Variants in PRKN observed in about 807,000 individuals in gnomAD.
PRKN encodes the protein E3 ubiquitin-protein ligase parkin.
PRKN carries 56 observed loss-of-function variants against 59.5 expected under a neutral mutation model. That is an observed-to-expected ratio of 0.94 (90% CI 0.76 to 1.18). The LOEUF (loss-of-function observed/expected upper bound fraction) is 1.18, where lower values mean the gene tolerates loss of function less well. PRKN is among the 50% of genes most tolerant of loss of function. The pLI, the probability that PRKN is intolerant of heterozygous loss-of-function variation, is 0.00. For synonymous variants in PRKN, 250 were observed against 222.1 expected (o/e 1.13, Z -1.12); for missense variants, 657 against 596.4 (o/e 1.10, Z -1.06).
intron 1 of PRKN, among the ~76,000 whole-genome samples, chr6:162,581,493 G>A (rs1780788776): frequency 1.3e-5 from 2 of 152,238 alleles, no homozygotes; most frequent in Admixed American, 1.3e-4. Flanking sequence ...AGGTGCGGTG[G>A]CTCACGCCTG....
At chr6:161,911,948 C>A (rs9458417) in intron 6 of PRKN, among the ~76,000 whole-genome samples, 3,878 of 152,084 alleles carry the variant, frequency 0.025, 148 homozygotes, top group African/African-American at 0.088. Context: ...GAGGCCGAGG[C>A]GGACAGATCA....
intron 5 of PRKN, among the ~76,000 whole-genome samples, chr6:162,043,631 G>C (rs1459494015): frequency 6.6e-6 from 1 of 152,174 alleles, no homozygotes; most frequent in Non-Finnish European, 1.5e-5. Context: ...TGACTCAATT[G>C]TCCTTTGGAA....
rs903709206 is a variant in PRKN, at chr6:161,955,687, C to T, written c.734+17615G>A. 2.0e-5 allele frequency among the ~76,000 whole-genome samples: 3 copies of T among 152,128 alleles called. No homozygotes were observed. In the East Asian group the frequency reaches 5.8e-4, roughly 30 times the overall value. ...TGAATATGGTGAAACCCTGTCTCTACTAAAAATACAAAATTAGCCAGGCAT... is the reference window on the plus strand; with the variant it reads ...TGAATATGGTGAAACCCTGTCTCTATTAAAAATACAAAATTAGCCAGGCAT... On this transcript the variant is annotated intron_variant, in intron 6 of 11. Coordinates refer to ENST00000366898, the MANE Select transcript of PRKN (RefSeq NM_004562.3).
chr6:162,353,558 GA>G (rs1183571390), intron 2 of PRKN, among the ~76,000 whole-genome samples: 1 of 151,898 alleles, frequency 6.6e-6, no homozygotes, highest in East Asian at 1.9e-4. Flanking sequence ...ATTTTTTGAA[GA>G]ATATTAAAGG....
chr6:162,641,153 G>A (rs937328571), intron 1 of PRKN, among the ~76,000 whole-genome samples: 2 of 152,024 alleles, frequency 1.3e-5, no homozygotes, highest in African/African-American at 2.4e-5. Flanking sequence ...ACCTAGTGAA[G>A]GTTAAGCATC....
At position 161,878,427 on chromosome 6, in the gene PRKN, C is replaced by T. The variant is rs193044554; in HGVS notation, c.735-92519G>A. Among the ~76,000 whole-genome samples the T allele has an allele frequency of 4.7e-3, 716 of 152,240 alleles. 4 individuals are homozygous for T. Among genetic ancestry groups the T allele is most frequent in the African/African-American group, 0.016 (655 of 41,528 alleles). On this transcript the variant is annotated intron_variant, in intron 6 of 11. Coordinates refer to ENST00000366898, the MANE Select transcript of PRKN (RefSeq NM_004562.3). ...ATCACCATCCCCTTTCATCCCAGAGCCGACCACTGTCCTGATTTTCAACAC... is the reference window on the plus strand; with the variant it reads ...ATCACCATCCCCTTTCATCCCAGAGTCGACCACTGTCCTGATTTTCAACAC...
chr6:162,532,313 T>C (rs1778547842), intron 1 of PRKN, among the ~76,000 whole-genome samples: 1 of 152,250 alleles, frequency 6.6e-6, no homozygotes, highest in Admixed American at 6.5e-5. Context: ...ACAAGCATAT[T>C]CCTGTCACCT....
chr6:162,085,537 G>A (rs901191473), intron 4 of PRKN, among the ~76,000 whole-genome samples: 17 of 152,096 alleles, frequency 1.1e-4, no homozygotes, highest in African/African-American at 4.1e-4. Flanking sequence ...GACATAAAGA[G>A]CAGATATTTG....
intron 2 of PRKN, among the ~76,000 whole-genome samples, chr6:162,423,298 C>T (rs1168810304): frequency 6.6e-6 from 1 of 152,172 alleles, no homozygotes; most frequent in African/African-American, 2.4e-5. Flanking sequence ...GAGTGACTAA[C>T]TCTGGCCATG....
intron 6 of PRKN, among the ~76,000 whole-genome samples, chr6:161,922,645 A>G (rs1259902268): frequency 6.6e-6 from 1 of 152,230 alleles, no homozygotes. Flanking sequence ...AACATAGGTC[A>G]GCATTAAGTT....
intron 2 of PRKN, among the ~76,000 whole-genome samples, chr6:162,399,435 G>C (rs770921216): frequency 6.6e-6 from 1 of 152,114 alleles, no homozygotes; most frequent in Non-Finnish European, 1.5e-5. Context: ...AGCAATACTA[G>C]AATAGCAGGT....
At chr6:162,647,143 C>T (rs1226199704) in intron 1 of PRKN, among the ~76,000 whole-genome samples, 1 of 151,948 alleles carries the variant, frequency 6.6e-6, no homozygotes, top group Non-Finnish European at 1.5e-5. Context: ...TCTCATCATT[C>T]TCTCTCTTCT....
At chr6:161,425,572 A>C (rs549487522) in intron 9 of PRKN, among the ~76,000 whole-genome samples, 2 of 152,110 alleles carry the variant, frequency 1.3e-5, no homozygotes, top group African/African-American at 4.8e-5. Context: ...ATCAGAATCC[A>C]CAGATTTTCA....
Position 161,525,424 on chromosome 6 carries a change from C to A in PRKN, c.1083+23430G>T, listed in dbSNP as rs1562504490. Among the ~76,000 whole-genome samples, 1 of 152,154 alleles carries A rather than the reference C, an allele frequency of 6.6e-6. No individual in the cohort carries two copies. On this transcript the variant is annotated intron_variant, in intron 9 of 11. Coordinates refer to ENST00000366898, the MANE Select transcript of PRKN (RefSeq NM_004562.3). This position sits in a 1 kb window ranked among gnomAD's most constrained non-coding sequence, Gnocchi z 4.7. ...CTGATCTCTTCTCCCTGCACTCCAACATCTTGCTTTCAGCTTTGCCCTCTA... is the reference window on the plus strand; with the variant it reads ...CTGATCTCTTCTCCCTGCACTCCAAAATCTTGCTTTCAGCTTTGCCCTCTA...
chr6:161,644,969 C>T (rs1248766756), intron 7 of PRKN, among the ~76,000 whole-genome samples: 2 of 152,166 alleles, frequency 1.3e-5, no homozygotes, highest in African/African-American at 4.8e-5. Context: ...TAGAATCTGT[C>T]CTTGCCAACC....
At chr6:162,410,443 T>C (rs1249235155) in intron 2 of PRKN, among the ~76,000 whole-genome samples, 1 of 152,102 alleles carries the variant, frequency 6.6e-6, no homozygotes, top group African/African-American at 2.4e-5. Flanking sequence ...TCTAGCCGGG[T>C]CTCCTCCTGC....
intron 6 of PRKN, among the ~76,000 whole-genome samples, chr6:161,932,248 T>G (rs1452254078): frequency 6.6e-6 from 1 of 152,130 alleles, no homozygotes; most frequent in Non-Finnish European, 1.5e-5. Flanking sequence ...ATACATATTG[T>G]TTTATGTTGG....
intron 7 of PRKN, among the ~76,000 whole-genome samples, chr6:161,631,229 T>C (rs1045725408): frequency 1.3e-5 from 2 of 152,222 alleles, no homozygotes; most frequent in African/African-American, 2.4e-5. Flanking sequence ...TGGGATTCCA[T>C]AGATAGAATT....
chr6:162,540,054 T>G (rs979876362), intron 1 of PRKN, among the ~76,000 whole-genome samples: 1 of 151,898 alleles, frequency 6.6e-6, no homozygotes, highest in African/African-American at 2.4e-5. Context: ...TAGCTGGGAT[T>G]ATAGGCGCCC....
Sources: gnomAD v4.1 joint callset for allele counts (sites outside exome capture counted in the v4.1 genomes callset) on GRCh38, gnomAD v4.1.1 for gene constraint, Gnocchi (gnomAD v3.1) non-coding constraint, MANE v1.5 for transcripts, NCBI Gene and HGNC (gene_info 2026-07-23, HGNC 2026-07-21) for gene names.